SCIN: variants seen among roughly 807,000 people sequenced by gnomAD.
SCIN encodes scinderin.
In SCIN, 91 loss-of-function variants were observed where a neutral mutation model predicts 91.8. The observed-to-expected ratio is 0.99, with a 90% CI of 0.84 to 1.18. SCIN has a LOEUF of 1.18. Among genes scored for constraint, SCIN ranks in the 50% most tolerant of loss-of-function variants. The pLI is 0.00. For synonymous variants in SCIN, 367 were observed against 312.6 expected, an observed-to-expected ratio of 1.17 and a Z score of -1.84; for missense variants, 1,087 against 863.9, an observed-to-expected ratio of 1.26 and a Z score of -3.24.
At position 12,629,177 on chromosome 7, in the gene SCIN, A is replaced by G. The variant is rs756565701; in HGVS notation, c.1274A>G (p.Tyr425Cys). 21 of 1,613,188 alleles carry G rather than the reference A, an allele frequency of 1.3e-5. No homozygotes were observed. In the Admixed American group the frequency reaches 2.0e-4, roughly 15 times the overall value. Reference sequence around the variant, plus strand: ...GGTGAATTCTATGGTGGTGACTGCTACATCATACTCTACACCTATCCCAGA... The same window carrying G: ...GGTGAATTCTATGGTGGTGACTGCTGCATCATACTCTACACCTATCCCAGA... ...SYGEFYGGDC[Y>C]IILYTYPRGQ... The change falls in exon 9 of 16, where the codon TAC (tyrosine) becomes TGC (cysteine). Residue 425 changes from tyrosine (Y) to cysteine (C), a missense_variant. Transcript: ENST00000297029.
In SCIN at chr7:12,652,988, C is replaced by A; in HGVS notation, c.*273C>A. 1 of 240,708 alleles carries A rather than the reference C, an allele frequency of 4.2e-6. No individual in the cohort carries two copies. The highest frequency in any genetic ancestry group is 8.0e-6 in the Non-Finnish European group (1 of 125,778). 14.9% of individuals were successfully genotyped at this position (240,708 alleles called of 1,614,324 possible). ...CGCGTGGTGGTGCACGCCTGTAGTC[C>A]CTGCTACTTGGAAGGCTGAGACAGG... On this transcript the variant is annotated 3_prime_UTR_variant, in exon 16 of 16. Coordinates refer to ENST00000297029, the MANE Select transcript of SCIN (RefSeq NM_001112706.3).
intron 4 of SCIN, among the ~76,000 whole-genome samples, chr7:12,621,848 A>G (rs1465349143): frequency 6.6e-6 from 1 of 151,706 alleles, no homozygotes; most frequent in Non-Finnish European, 1.5e-5. Context: ...GTACATTTTT[A>G]TTGTTTTCTG....
chr7:12,604,705 A>C (rs1288241307), intron 4 of SCIN, 42 bp downstream of exon 4: 1 of 1,470,698 alleles, frequency 6.8e-7, no homozygotes, highest in Non-Finnish European at 9.0e-7. Context: ...TACCACTCCA[A>C]CTCGTATGTG....
intron 4 of SCIN, among the ~76,000 whole-genome samples, chr7:12,613,649 G>T (rs1252239653): frequency 1.3e-5 from 2 of 152,128 alleles, no homozygotes; most frequent in Non-Finnish European, 2.9e-5. Context: ...GACAGCACTT[G>T]TATAAACTAG....
At chr7:12,608,160 A>T (rs1783116876) in intron 4 of SCIN, among the ~76,000 whole-genome samples, 1 of 152,158 alleles carries the variant, frequency 6.6e-6, no homozygotes, top group South Asian at 2.1e-4. Context: ...CCAAACTTTA[A>T]AATATGTATT....
chr7:12,577,235 T>C (rs1173722736), intron 1 of SCIN, among the ~76,000 whole-genome samples: 3 of 152,208 alleles, frequency 2.0e-5, no homozygotes, highest in Non-Finnish European at 2.9e-5. Context: ...ACCAGTCAGA[T>C]AGTGAAGTAG....
At chr7:12,584,495 T>C (rs997937316) in intron 3 of SCIN, among the ~76,000 whole-genome samples, 1 of 152,212 alleles carries the variant, frequency 6.6e-6, no homozygotes, top group African/African-American at 2.4e-5. Flanking sequence ...TTTTATTGAA[T>C]TTTAAATTAT....
At chr7:12,639,240 A>G (rs1783810643) in intron 10 of SCIN, among the ~76,000 whole-genome samples, 1 of 152,150 alleles carries the variant, frequency 6.6e-6, no homozygotes, top group African/African-American at 2.4e-5. Flanking sequence ...AGTTTTCTCC[A>G]TGTTATATGA....
chr7:12,600,965 G>A (rs1232079675), intron 3 of SCIN, among the ~76,000 whole-genome samples: 10 of 152,144 alleles, frequency 6.6e-5, no homozygotes, highest in Admixed American at 2.0e-4. Context: ...CCACATGTAT[G>A]CCTCATATTC....
chr7:12,586,774 C>T (rs1200092232), intron 3 of SCIN, among the ~76,000 whole-genome samples: 1 of 152,196 alleles, frequency 6.6e-6, no homozygotes, highest in Non-Finnish European at 1.5e-5. Context: ...CTTCCATTTG[C>T]ACCAACGTGG....
chr7:12,648,856 C>G (rs1784018496), intron 13 of SCIN, among the ~76,000 whole-genome samples: 1 of 152,066 alleles, frequency 6.6e-6, no homozygotes, highest in African/African-American at 2.4e-5. Flanking sequence ...GATAGCCACC[C>G]AGAAAACGCT....
intron 3 of SCIN, among the ~76,000 whole-genome samples, chr7:12,585,777 CT>C (rs924743061): frequency 6.6e-6 from 1 of 152,170 alleles, no homozygotes; most frequent in African/African-American, 2.4e-5. Context: ...TTGATACTGT[CT>C]TAGTACCCAG....
intron 4 of SCIN, among the ~76,000 whole-genome samples, chr7:12,616,037 G>A (rs947981463): frequency 5.3e-5 from 8 of 151,978 alleles, no homozygotes; most frequent in African/African-American, 1.9e-4. Context: ...AAATACTCCT[G>A]GAGGTTTAGC....
At chr7:12,588,170 A>G (rs539034557) in intron 3 of SCIN, among the ~76,000 whole-genome samples, 2 of 152,348 alleles carry the variant, frequency 1.3e-5, no homozygotes, top group African/African-American at 4.8e-5. Context: ...TTGAGGCAAT[A>G]AGAATGGATA....
intron 6 of SCIN, among the ~76,000 whole-genome samples, chr7:12,625,451 T>TTCC (rs1554295412): frequency 2.7e-5 from 4 of 146,636 alleles, no homozygotes; most frequent in Non-Finnish European, 4.5e-5. Flanking sequence ...TTTTTTTTTT[T>TTCC]CCGTCGCCCA....
At position 12,655,563 on chromosome 7, in the gene SCIN, T is replaced by A. The variant is rs952898519; in HGVS notation, c.*2848T>A. ...ACAATAAAATAATCATACTTTTATC[T>A]ATCTACCAGATTAGCAAATGTTAAA... On this transcript the variant is annotated 3_prime_UTR_variant, in exon 16 of 16. Transcript: ENST00000297029. The A allele has an allele frequency of 6.6e-6, 1 of 152,330 alleles. No homozygotes were observed. The highest frequency in any genetic ancestry group is 6.5e-5 in the Admixed American group (1 of 15,298). 9.4% of individuals were successfully genotyped at this position (152,330 alleles called of 1,614,324 possible). A position where few individuals can be genotyped will look rare whatever the true frequency, so the allele number is the denominator to read the frequency against.
chr7:12,570,855 G>C lies in SCIN; in HGVS notation c.69G>C (p.Arg23Ser), dbSNP rs1487611721. The C allele has an allele frequency of 7.7e-6, 12 of 1,551,658 alleles. No homozygotes were observed. Among genetic ancestry groups the C allele is most frequent in the Non-Finnish European group, 9.6e-6 (11 of 1,146,990 alleles). ...AGCAGGCGGGGCTGCAGGTCTGGAG[G>C]ATTGAGAAGCTGGAGCTGGTGCCCG... ...AGKQAGLQVW[R>S]IEKLELVPVP... Residue 23 changes from arginine (R) to serine (S), a missense_variant, in exon 1 of 16, where the codon AGG becomes AGC. Transcript: ENST00000297029.
intron 8 of SCIN, among the ~76,000 whole-genome samples, chr7:12,627,276 C>G (rs184790799): frequency 6.6e-6 from 1 of 152,102 alleles, no homozygotes; most frequent in Non-Finnish European, 1.5e-5. Flanking sequence ...TTGGCTTCAC[C>G]CTTCCACTGC....
chr7:12,644,264 G>C lies in SCIN; in HGVS notation c.1708G>C (p.Ala570Pro), dbSNP rs1783913497. The C allele has an allele frequency of 2.5e-6, 4 of 1,602,074 alleles. No individual in the cohort carries two copies. The highest frequency in any genetic ancestry group is 2.2e-5 in the East Asian group (1 of 44,534). ...QEEEKGAEYV[A>P]SVLKCKTLRI... ...GGAGGAGAAAGGAGCAGAGTATGTA[G>C]CAAGTGTCCTAAAGTGCAAAACCTT... The change falls in exon 12 of 16, where the codon GCA becomes CCA. Residue 570 changes from alanine (A) to proline (P), a missense_variant. Ala to Pro is a conservative substitution (Grantham distance 27). Coordinates refer to ENST00000297029, the MANE Select transcript of SCIN (RefSeq NM_001112706.3).
Sources: allele counts gnomAD v4.1 joint callset (sites outside exome capture counted in the v4.1 genomes callset), GRCh38; gene constraint gnomAD v4.1.1; transcripts MANE v1.5; gene names NCBI Gene and HGNC (gene_info 2026-07-23, HGNC 2026-07-21).